The following IQSEC1 variants were observed in gnomAD, a reference collection of about 807,000 sequenced individuals.
IQSEC1 encodes the protein IQ motif and SEC7 domain-containing protein 1.
A neutral mutation model predicts 91.0 loss-of-function variants in IQSEC1; 31 were observed. The ratio of observed to expected loss-of-function variants is 0.34; its 90% CI spans 0.26 to 0.46. The LOEUF (loss-of-function observed/expected upper bound fraction) is 0.46. Ranked by LOEUF, IQSEC1 falls within the 20% of genes least tolerant of loss-of-function variation. The pLI is 1.00. For synonymous variants in IQSEC1, 699 were observed against 662.6 expected (o/e 1.05, Z -0.84); for missense variants, 1,388 against 1,575.6 (o/e 0.88, Z 2.02).
chr3:12,903,277 A>G (rs1222398777), intron 12 of IQSEC1, among the ~76,000 whole-genome samples: 1 of 152,072 alleles, frequency 6.6e-6, no homozygotes, highest in Non-Finnish European at 1.5e-5. Flanking sequence ...TGCCATATAT[A>G]TGTGTATATC....
At chr3:13,256,497 C>G (rs1695287995) in intron 1 of IQSEC1, among the ~76,000 whole-genome samples, 1 of 152,198 alleles carries the variant, frequency 6.6e-6, no homozygotes, top group Non-Finnish European at 1.5e-5. Context: ...ATCCTTATCC[C>G]CCACCTGACA....
In IQSEC1 at chr3:12,936,097, C is replaced by A; in HGVS notation, c.919G>T (p.Ala307Ser). The A allele has an allele frequency of 6.2e-7, 1 of 1,610,772 alleles. No homozygotes were observed. The highest frequency in any genetic ancestry group is 1.1e-5 in the South Asian group (1 of 91,054). ...TCGGTGCTGGACGGCCGGTCCCCTG[C>A]CTGCGAGAGGGGCAGAGGGGGCGAC... Reference protein sequence around the residue: ...ELSPPLPLSQAGDRPSSTESD... With the variant: ...ELSPPLPLSQSGDRPSSTESD... The change falls in exon 3 of 14, where the codon GCA becomes TCA. Residue 307 changes from alanine (A) to serine (S), a missense_variant. Ala to Ser is a moderately conservative substitution (Grantham distance 99). Coordinates refer to ENST00000613206, the MANE Select transcript of IQSEC1 (RefSeq NM_001134382.3).
At chr3:12,929,853 C>T (rs1402702128) in intron 3 of IQSEC1, among the ~76,000 whole-genome samples, 3 of 152,214 alleles carry the variant, frequency 2.0e-5, no homozygotes, top group Admixed American at 1.3e-4. Context: ...CCTCCTGGCT[C>T]CATCCCTGCT....
At chr3:13,237,810 G>A (rs1200791567) in intron 1 of IQSEC1, among the ~76,000 whole-genome samples, 1 of 152,252 alleles carries the variant, frequency 6.6e-6, no homozygotes, top group African/African-American at 2.4e-5. Flanking sequence ...CTGGCATGAA[G>A]CAGATGCTTC....
intron 1 of IQSEC1, among the ~76,000 whole-genome samples, 191 bp from the exon 2 acceptor site, chr3:12,942,056 C>T (rs1462743028): frequency 1.3e-5 from 2 of 151,982 alleles, no homozygotes; most frequent in African/African-American, 4.8e-5. Context: ...CCCACCCACT[C>T]GGGTTCAGTT....
intron 4 of IQSEC1, among the ~76,000 whole-genome samples, chr3:12,923,459 G>T (rs1696817244): frequency 6.6e-6 from 1 of 152,208 alleles, no homozygotes; most frequent in South Asian, 2.1e-4. Context: ...CAGGGAGAAA[G>T]ATGCCCAGCC....
intron 3 of IQSEC1, among the ~76,000 whole-genome samples, chr3:12,933,506 A>G (rs1031282712): frequency 2.0e-5 from 3 of 152,254 alleles, no homozygotes; most frequent in African/African-American, 7.2e-5. Flanking sequence ...GTAAGGCCCT[A>G]TCCTGTGCCA....
chr3:13,206,509 C>G (rs1694348358), intron 1 of IQSEC1, among the ~76,000 whole-genome samples: 1 of 152,220 alleles, frequency 6.6e-6, no homozygotes, highest in Admixed American at 6.5e-5. Flanking sequence ...TTGATATGTT[C>G]ATCTCCATAG....
At chr3:13,048,095 A>G (rs1704565072) in intron 1 of IQSEC1, among the ~76,000 whole-genome samples, 1 of 152,108 alleles carries the variant, frequency 6.6e-6, no homozygotes, top group African/African-American at 2.4e-5. Context: ...GAGCCAGCCC[A>G]ACTAGGATCA....
At chr3:13,044,379 G>A (rs1048157068) in intron 1 of IQSEC1, among the ~76,000 whole-genome samples, 1 of 152,224 alleles carries the variant, frequency 6.6e-6, no homozygotes, top group Non-Finnish European at 1.5e-5. Context: ...TGTCAGTAGT[G>A]CCAAGGTTGG....
intron 1 of IQSEC1, among the ~76,000 whole-genome samples, chr3:13,045,702 G>T (rs1005649976): frequency 6.6e-6 from 1 of 152,242 alleles, no homozygotes; most frequent in Non-Finnish European, 1.5e-5. Flanking sequence ...CTGACTGGCC[G>T]GCGGAGTGGA....
At chr3:12,947,218 A>G (rs1331761063) in intron 1 of IQSEC1, among the ~76,000 whole-genome samples, 1 of 152,136 alleles carries the variant, frequency 6.6e-6, no homozygotes, top group Non-Finnish European at 1.5e-5. Flanking sequence ...ATGACTGCCA[A>G]TACCCGACGT....
chr3:13,062,528 G>A (rs1487298023), intron 1 of IQSEC1, among the ~76,000 whole-genome samples: 49 of 152,164 alleles, frequency 3.2e-4, no homozygotes, highest in Admixed American at 3.2e-3. Flanking sequence ...GGGAGGCACA[G>A]AGAAAGGTCT....
chr3:13,128,296 A>G (rs897330045), intron 2 of IQSEC1, among the ~76,000 whole-genome samples: 1 of 152,220 alleles, frequency 6.6e-6, no homozygotes, highest in African/African-American at 2.4e-5. Flanking sequence ...TGATGCTATC[A>G]GTAGGTTTTT....
At chr3:13,131,381 T>TA (rs138435621) in intron 2 of IQSEC1, among the ~76,000 whole-genome samples, 75,868 of 149,406 alleles carry the variant, frequency 0.51, 19,976 homozygotes, top group African/African-American at 0.66. Flanking sequence ...GGTTCTTACT[T>TA]AAAAAAAAAA....
intron 2 of IQSEC1, among the ~76,000 whole-genome samples, chr3:13,131,037 A>AAAGG (rs59204175): frequency 0.085 from 12,160 of 143,850 alleles, 614 homozygotes; most frequent in Non-Finnish European, 0.11. Flanking sequence ...GGAAGGAAGG[A>AAAGG]AAGGAAGGAA....
At chr3:13,229,236 G>A (rs1325291078) in intron 1 of IQSEC1, among the ~76,000 whole-genome samples, 1 of 152,172 alleles carries the variant, frequency 6.6e-6, no homozygotes, top group East Asian at 1.9e-4. Context: ...ATATTGTTTG[G>A]TTTGTCAAGT....
chr3:13,144,573 T>C (rs1174667512), intron 2 of IQSEC1, among the ~76,000 whole-genome samples: 1 of 152,228 alleles, frequency 6.6e-6, no homozygotes, highest in Non-Finnish European at 1.5e-5. Context: ...CTCCTTCCTC[T>C]GGGCCTTAAG....
At position 12,915,005 on chromosome 3, in the gene IQSEC1, C is replaced by T. The variant is rs1180136226; in HGVS notation, c.2190+99G>A. ...CAGCAATGAACTCAAGCAGCCAGCA[C>T]TTGGGCTCTGGGAGCCTGGGGAGCC... On this transcript the variant is annotated intron_variant, in intron 8 of 13. Transcript: ENST00000613206. 1.7e-5 allele frequency: 21 copies of T among 1,254,772 alleles called. 1 individual carries two copies. The East Asian group carries it at 4.6e-4, about 27-fold the overall frequency. 77.7% of individuals were successfully genotyped at this position (1,254,772 alleles called of 1,614,324 possible).
Sources: allele counts gnomAD v4.1 joint callset (sites outside exome capture counted in the v4.1 genomes callset), GRCh38; gene constraint gnomAD v4.1.1; transcripts MANE v1.5; gene names NCBI Gene and HGNC (gene_info 2026-07-23, HGNC 2026-07-21).